MYO9A: variants seen among roughly 807,000 people sequenced by gnomAD.
The protein encoded by MYO9A is myosin IXA.
In MYO9A, 103 loss-of-function variants were observed where a neutral mutation model predicts 293.3. The ratio of observed to expected loss-of-function variants is 0.35; its 90% confidence interval spans 0.30 to 0.41. The LOEUF is 0.41. Ranked by LOEUF, MYO9A falls within the 10% of genes least tolerant of loss-of-function variation. The probability of loss-of-function intolerance (pLI) is 1.00; values close to 1 mark genes in which losing one functional copy is unlikely to be tolerated. For missense variants in MYO9A, 2,685 were observed against 3,033.0 expected (o/e 0.89, Z 2.69); for synonymous variants, 1,001 against 1,035.7 (o/e 0.97, Z 0.64).
At chr15:71,842,219 A>G (rs2141031117) in intron 39 of MYO9A, among the ~76,000 whole-genome samples, 1 of 151,744 alleles carries the variant, frequency 6.6e-6, no homozygotes, top group Non-Finnish European at 1.5e-5. Context: ...CTAAAAATAA[A>G]TACAAAAATT....
intron 8 of MYO9A, among the ~76,000 whole-genome samples, chr15:72,007,600 G>C (rs2077053542): frequency 6.6e-6 from 1 of 152,118 alleles, no homozygotes; most frequent in Non-Finnish European, 1.5e-5. Flanking sequence ...AGCAAGTGGA[G>C]GCAGAGGAGA....
In MYO9A at chr15:71,905,118, TAGAA is replaced by T. The variant is rs753278743; in HGVS notation, c.2686-116_2686-113del. ...AACATTCAAAAAGTAGAGGTACACATAGAAAGAGGTTTTTGAAAAGCACATTGTG... is the reference window on the plus strand; with the variant it reads ...AACATTCAAAAAGTAGAGGTACACATAGAGGTTTTTGAAAAGCACATTGTG... On this transcript the variant is annotated intron_variant, in intron 19 of 41. Coordinates refer to ENST00000356056, the MANE Select transcript of MYO9A (RefSeq NM_006901.4). 238 of 820,520 alleles carry T rather than the reference TAGAA, an allele frequency of 2.9e-4. 1 individual carries two copies. Among genetic ancestry groups the T allele is most frequent in the South Asian group, 1.2e-3 (44 of 37,840 alleles). 50.8% of individuals were successfully genotyped at this position (820,520 alleles called of 1,614,324 possible).
chr15:71,964,760 C>T (rs888399146), intron 13 of MYO9A, among the ~76,000 whole-genome samples: 6 of 151,794 alleles, frequency 4.0e-5, no homozygotes, highest in Non-Finnish European at 5.9e-5. Flanking sequence ...GCATTCCAGC[C>T]GGGTGACAGA....
chr15:71,972,931 C>T (rs984713091), intron 12 of MYO9A, among the ~76,000 whole-genome samples: 8 of 151,574 alleles, frequency 5.3e-5, no homozygotes, highest in Non-Finnish European at 1.2e-4. Flanking sequence ...TAAGGAAATG[C>T]AAACTAATAA....
At chr15:71,967,794 C>T (rs1353380913) in intron 13 of MYO9A, among the ~76,000 whole-genome samples, 190 bp downstream of exon 13, 6 of 152,174 alleles carry the variant, frequency 3.9e-5, no homozygotes, top group Admixed American at 2.6e-4. Flanking sequence ...CAGAAACCAA[C>T]AGAAACATTA....
In MYO9A at chr15:71,915,166, T is replaced by C. The variant is rs1596181581; in HGVS notation, c.2685+1204A>G. On this transcript the variant is annotated intron_variant, in intron 19 of 41. Coordinates refer to ENST00000356056, the MANE Select transcript of MYO9A (RefSeq NM_006901.4). ...TATATTACTCAACATGATTTTTTTT[T>C]CTATAACCCATTAATCTTTGCATTT... Among the ~76,000 whole-genome samples, 3 of 152,256 alleles carry C rather than the reference T, an allele frequency of 2.0e-5. No homozygotes were observed. The South Asian group carries it at 6.2e-4, about 32-fold the overall frequency.
intron 31 of MYO9A, among the ~76,000 whole-genome samples, chr15:71,876,148 A>ATTT (rs398039451): frequency 8.3e-5 from 12 of 144,214 alleles, no homozygotes; most frequent in Non-Finnish European, 1.5e-4. Context: ...TCATTAATTG[A>ATTT]TTTTTTTTTT....
intron 39 of MYO9A, among the ~76,000 whole-genome samples, chr15:71,837,242 T>G (rs2054980991): frequency 6.6e-6 from 1 of 151,952 alleles, no homozygotes. Context: ...TCAGGCTAAC[T>G]CCTCCAAAAC....
At chr15:71,849,927 A>T in intron 38 of MYO9A, 109 bp downstream of exon 38, 5 of 1,403,126 alleles carry the variant, frequency 3.6e-6, no homozygotes, top group Non-Finnish European at 4.9e-6. Flanking sequence ...CAATCTTCTT[A>T]AAAACACCTG....
chr15:72,038,329 T>C (rs1222225501), intron 2 of MYO9A, among the ~76,000 whole-genome samples: 3 of 152,116 alleles, frequency 2.0e-5, no homozygotes, highest in Non-Finnish European at 4.4e-5. Flanking sequence ...CAACACAGTG[T>C]TATTTAACCT....
At chr15:71,936,944 A>G (rs2058658089) in intron 16 of MYO9A, among the ~76,000 whole-genome samples, 1 of 151,672 alleles carries the variant, frequency 6.6e-6, no homozygotes, top group Non-Finnish European at 1.5e-5. Flanking sequence ...TTAGAAAAAA[A>G]AAAAAGAAAA....
At chr15:71,871,608 C>T (rs923962876) in intron 32 of MYO9A, among the ~76,000 whole-genome samples, 2 of 149,358 alleles carry the variant, frequency 1.3e-5, no homozygotes, top group African/African-American at 4.9e-5. Flanking sequence ...TTGAGCCTGG[C>T]GAGGTTGTGA....
intron 30 of MYO9A, among the ~76,000 whole-genome samples, chr15:71,878,657 AAGAAGAGTGACATGCCC>A (rs1013179316): frequency 6.6e-6 from 1 of 152,162 alleles, no homozygotes; most frequent in Non-Finnish European, 1.5e-5. Flanking sequence ...TATTTTTCCA[AAGAAGAGTGACATGCCC>A]AGAATAACAT....
At chr15:72,019,772 C>A (rs929368800) in intron 5 of MYO9A, among the ~76,000 whole-genome samples, 1 of 151,984 alleles carries the variant, frequency 6.6e-6, no homozygotes, top group South Asian at 2.1e-4. Context: ...TTTTTTGAGA[C>A]GGAGTCTCGC....
At position 71,893,791 on chromosome 15, in the gene MYO9A, C is replaced by CA. The variant is rs758109096; in HGVS notation, c.5043-14dup. On this transcript the variant is annotated splice_polypyrimidine_tract_variant and intron_variant, in intron 25 of 41. Transcript: ENST00000356056. ...TTCTTTGCTGACACTTTAAATAAAACAATGAAATTACATTTCAGTTCTTAG... is the reference window on the plus strand; with the variant it reads ...TTCTTTGCTGACACTTTAAATAAAACAAATGAAATTACATTTCAGTTCTTAG... 6.2e-7 allele frequency: 1 copy of CA among 1,601,260 alleles called. No homozygotes were observed. The highest frequency in any genetic ancestry group is 1.1e-5 in the South Asian group (1 of 90,504).
In MYO9A at chr15:71,899,727, G is replaced by A; in HGVS notation, c.3430C>T (p.Leu1144Phe). ...RYQEQRKKII[L>F]LQSTCRGFRA... Reference sequence around the variant, plus strand: ...AATCCTCTACATGTTGATTGCAAAAGGATAATTTTTTTCCTTTGTTCTTGG... The same window carrying A: ...AATCCTCTACATGTTGATTGCAAAAAGATAATTTTTTTCCTTTGTTCTTGG... The change falls in exon 24 of 42, where the codon CTT becomes TTT. Residue 1144 changes from leucine (L) to phenylalanine (F), a missense_variant. Transcript: ENST00000356056. 6 of 1,613,962 alleles carry A rather than the reference G, an allele frequency of 3.7e-6. No homozygotes were observed. The highest frequency in any genetic ancestry group is 5.1e-6 in the Non-Finnish European group (6 of 1,179,982).
intron 18 of MYO9A, among the ~76,000 whole-genome samples, chr15:71,925,676 C>T (rs560468552): frequency 6.6e-6 from 1 of 152,180 alleles, no homozygotes; most frequent in East Asian, 1.9e-4. Context: ...TATCCCCATC[C>T]CCCCACAATT....
At chr15:71,853,126 C>T (rs560118545) in intron 35 of MYO9A, among the ~76,000 whole-genome samples, 76 of 128,070 alleles carry the variant, frequency 5.9e-4, no homozygotes, top group Non-Finnish European at 1.2e-4. Flanking sequence ...TGAATGTTTT[C>T]GTGCTGAAGC....
In MYO9A at chr15:72,117,792, G is replaced by A. The variant is rs904335356; in HGVS notation, c.-184C>T. ...TGGCAGAAGAGGCCGAGGCCACCGA[G>A]GGTCGGACGGTTCCGGGAGGGTGGG... On this transcript the variant is annotated 5_prime_UTR_variant, in exon 1 of 42. Coordinates refer to ENST00000356056, the MANE Select transcript of MYO9A (RefSeq NM_006901.4). 1.8e-5 allele frequency: 7 copies of A among 398,238 alleles called. No individual in the cohort carries two copies. The highest frequency in any genetic ancestry group is 3.1e-5 in the Non-Finnish European group (7 of 225,584). 24.7% of individuals were successfully genotyped at this position (398,238 alleles called of 1,614,324 possible). A position where few individuals can be genotyped will look rare whatever the true frequency, so the allele number is the denominator to read the frequency against.
Sources: gnomAD v4.1 joint callset for allele counts (sites outside exome capture counted in the v4.1 genomes callset) on GRCh38, gnomAD v4.1.1 for gene constraint, MANE v1.5 for transcripts, NCBI Gene and HGNC (gene_info 2026-07-23, HGNC 2026-07-21) for gene names.